ZCCHC7: variants seen among roughly 807,000 people sequenced by gnomAD.
ZCCHC7 encodes zinc finger CCHC domain-containing protein 7.
ZCCHC7 carries 35 observed loss-of-function variants against 52.0 expected under a neutral mutation model. That is an observed-to-expected ratio of 0.67 (90% CI 0.51 to 0.89). The LOEUF (loss-of-function observed/expected upper bound fraction) is 0.89, where lower values mean the gene tolerates loss of function less well. ZCCHC7 is among the 40% of genes least tolerant of loss of function. The pLI is 0.00. For synonymous variants in ZCCHC7, 217 were observed against 221.5 expected (o/e 0.98, Z 0.18); for missense variants, 574 against 649.1 (o/e 0.88, Z 1.26).
At chr9:37,260,224 T>A (rs763532326) in intron 2 of ZCCHC7, among the ~76,000 whole-genome samples, 1 of 152,206 alleles carries the variant, frequency 6.6e-6, no homozygotes, top group African/African-American at 2.4e-5. Flanking sequence ...GGCTTTCCAC[T>A]GTATATCCCC....
At chr9:37,202,860 G>C (rs992195386) in intron 2 of ZCCHC7, among the ~76,000 whole-genome samples, 7 of 152,174 alleles carry the variant, frequency 4.6e-5, no homozygotes, top group Non-Finnish European at 1.0e-4. Context: ...GTGAACAAAT[G>C]GTTGAATATG....
chr9:37,186,631 A>T, intron 2 of ZCCHC7: 1 of 472,916 alleles, frequency 2.1e-6, no homozygotes, highest in South Asian at 3.2e-5. Flanking sequence ...AGTATTGCTG[A>T]GTATCATGTA....
chr9:37,315,139 A>G (rs1588658523), intron 5 of ZCCHC7, among the ~76,000 whole-genome samples: 1 of 151,884 alleles, frequency 6.6e-6, no homozygotes, highest in South Asian at 2.1e-4. Flanking sequence ...AAAGAAAATG[A>G]GCTCTGCATA....
Position 37,240,310 on chromosome 9 carries a change from C to A in ZCCHC7, c.611-61878C>A, listed in dbSNP as rs563550497. Among the ~76,000 whole-genome samples, 3 of 151,914 alleles carry A rather than the reference C, an allele frequency of 2.0e-5. No homozygotes were observed. The East Asian group carries it at 5.8e-4, about 29-fold the overall frequency. On this transcript the variant is annotated intron_variant, in intron 2 of 8. Transcript: ENST00000336755. ...GGCTTTAGATTGTTACTAATTTAAT[C>A]TAGTTTCTCAGAATATTAAATTTAT...
chr9:37,171,911 C>A (rs1206748861), intron 2 of ZCCHC7, among the ~76,000 whole-genome samples: 2 of 152,086 alleles, frequency 1.3e-5, no homozygotes, highest in African/African-American at 2.4e-5. Flanking sequence ...TAGATGTATT[C>A]TTCTGTTATT....
intron 5 of ZCCHC7, chr9:37,326,298 A>T (rs917663386): frequency 1.3e-5 from 2 of 152,066 alleles, no homozygotes; most frequent in Admixed American, 6.6e-5. Flanking sequence ...AACTAACATG[A>T]TCTTTGCCTT....
intron 6 of ZCCHC7, among the ~76,000 whole-genome samples, chr9:37,346,610 T>C (rs1387927793): frequency 2.6e-5 from 4 of 151,928 alleles, no homozygotes; most frequent in Admixed American, 1.3e-4. Flanking sequence ...CAGGAGGTGG[T>C]GTTGTGGTGA....
intron 2 of ZCCHC7, among the ~76,000 whole-genome samples, chr9:37,263,379 G>GA (rs201279969): frequency 2.6e-3 from 392 of 149,742 alleles, no homozygotes; most frequent in African/African-American, 2.1e-3. Context: ...TGGAAGGAAT[G>GA]AAAAAAAAAC....
At chr9:37,300,911 A>C (rs938102776) in intron 2 of ZCCHC7, among the ~76,000 whole-genome samples, 2 of 152,220 alleles carry the variant, frequency 1.3e-5, no homozygotes, top group Non-Finnish European at 2.9e-5. Flanking sequence ...ATACAAGAAA[A>C]TGTGGGAGAT....
At chr9:37,205,373 A>C in intron 2 of ZCCHC7, 1 of 162,420 alleles carries the variant, frequency 6.2e-6, no homozygotes, top group South Asian at 1.7e-4. Context: ...GAACATTATC[A>C]GGTTCCTCCC....
At chr9:37,344,633 T>A (rs1205012406) in intron 6 of ZCCHC7, among the ~76,000 whole-genome samples, 1 of 152,334 alleles carries the variant, frequency 6.6e-6, no homozygotes, top group East Asian at 1.9e-4. Flanking sequence ...TAGTTGAGGC[T>A]TCCCCCAAAA....
At chr9:37,261,321 GGTAAAGAC>G (rs1483912872) in intron 2 of ZCCHC7, among the ~76,000 whole-genome samples, 7 of 152,064 alleles carry the variant, frequency 4.6e-5, no homozygotes, top group African/African-American at 1.7e-4. Context: ...GTATATGAAA[GGTAAAGAC>G]GTCAAAGTCA....
intron 2 of ZCCHC7, among the ~76,000 whole-genome samples, chr9:37,249,740 C>T (rs147170808): frequency 1.3e-3 from 202 of 152,160 alleles, no homozygotes; most frequent in African/African-American, 4.6e-3. Context: ...TGAGCCACCG[C>T]GCCCAGCCAG....
chr9:37,227,251 C>G (rs1825161626), intron 2 of ZCCHC7, among the ~76,000 whole-genome samples: 1 of 152,088 alleles, frequency 6.6e-6, no homozygotes. Context: ...GCAAAGAACT[C>G]TTACAACTCA....
intron 2 of ZCCHC7, among the ~76,000 whole-genome samples, chr9:37,185,065 C>T (rs976239831): frequency 2.6e-5 from 4 of 151,948 alleles, no homozygotes; most frequent in Non-Finnish European, 5.9e-5. Flanking sequence ...ACATGTTGTC[C>T]CCTTGACCCG....
At chr9:37,193,340 TA>T (rs2133115049) in intron 2 of ZCCHC7, among the ~76,000 whole-genome samples, 1 of 152,274 alleles carries the variant, frequency 6.6e-6, no homozygotes, top group South Asian at 2.1e-4. Context: ...TTGTACTGTG[TA>T]AATCAGACAT....
intron 2 of ZCCHC7, among the ~76,000 whole-genome samples, chr9:37,295,703 G>A (rs1399788335): frequency 6.6e-6 from 1 of 152,022 alleles, no homozygotes; most frequent in Non-Finnish European, 1.5e-5. Context: ...GGAAAGTAGG[G>A]GTTTTGTTTT....
At position 37,264,444 on chromosome 9, in the gene ZCCHC7, G is replaced by T. The variant is rs775622429; in HGVS notation, c.611-37744G>T. Among the ~76,000 whole-genome samples the T allele has an allele frequency of 1.0e-3, 135 of 134,382 alleles. 1 individual carries two copies. Among genetic ancestry groups the T allele is most frequent in the Non-Finnish European group, 1.6e-3 (100 of 62,836 alleles). The allele number at this position is 134,382 out of a possible 152,430, so 88.2% of individuals were successfully genotyped here. ...TGTATCAAACCTGTGTACTGATGAA[G>T]ATATTTTAAATAGTCTTTTTTTTTG... On this transcript the variant is annotated intron_variant, in intron 2 of 8. Coordinates refer to ENST00000336755, the MANE Select transcript of ZCCHC7 (RefSeq NM_032226.3).
chr9:37,162,297 A>G (rs7027127), intron 2 of ZCCHC7, among the ~76,000 whole-genome samples: 7,705 of 152,222 alleles, frequency 0.051, 635 homozygotes, highest in African/African-American at 0.17. Flanking sequence ...TTTAAGATAC[A>G]TATATACACA....
Sources: gnomAD v4.1 joint callset for allele counts (sites outside exome capture counted in the v4.1 genomes callset) on GRCh38, gnomAD v4.1.1 for gene constraint, MANE v1.5 for transcripts, NCBI Gene and HGNC (gene_info 2026-07-23, HGNC 2026-07-21) for gene names.